Variants in DNAH11 observed in about 807,000 individuals in gnomAD.
DNAH11 encodes axonemal beta dynein heavy chain 11.
A neutral mutation model predicts 526.0 loss-of-function variants in DNAH11; 442 were observed. The ratio of observed to expected loss-of-function variants is 0.84; its 90% confidence interval spans 0.78 to 0.91. The LOEUF (loss-of-function observed/expected upper bound fraction) is 0.91, where lower values mean the gene tolerates loss of function less well. Ranked by LOEUF, DNAH11 falls within the 40% of genes least tolerant of loss-of-function variation. The pLI is 0.00. For synonymous variants in DNAH11, 2,461 were observed against 1,935.9 expected (o/e 1.27, Z -7.12); for missense variants, 6,989 against 5,448.7 (o/e 1.28, Z -8.90).
chr7:21,827,472 CTT>C, intron 65 of DNAH11, among the ~76,000 whole-genome samples: 1 of 151,518 alleles, frequency 6.6e-6, no homozygotes, highest in South Asian at 2.1e-4. Flanking sequence ...ACTGGAGTAA[CTT>C]TACTGCAATA....
Position 21,899,449 on chromosome 7 carries a change from G to GT in DNAH11, c.13162+2dup, listed in dbSNP as rs1562611978. On this transcript the variant is annotated splice_donor_variant, in intron 80 of 81. Coordinates refer to ENST00000409508, the MANE Select transcript of DNAH11 (RefSeq NM_001277115.2). LOFTEE classifies it high-confidence loss of function. Reference sequence around the variant, plus strand: ...TTCAACCCTCAGTCCTTCTTAACTGGTAAGGGCTGACGCAGTGCAGCCCCT... The same window carrying GT: ...TTCAACCCTCAGTCCTTCTTAACTGGTTAAGGGCTGACGCAGTGCAGCCCCT... The GT allele has an allele frequency of 1.9e-6, 3 of 1,611,642 alleles. No homozygotes were observed. Among genetic ancestry groups the GT allele is most frequent in the Non-Finnish European group, 2.5e-6 (3 of 1,177,960 alleles).
chr7:21,899,740 G>A (rs901972805), intron 80 of DNAH11, among the ~76,000 whole-genome samples: 1 of 152,168 alleles, frequency 6.6e-6, no homozygotes, highest in South Asian at 2.1e-4. Context: ...CTACTGTAGT[G>A]CGAAAACCAC....
intron 51 of DNAH11, among the ~76,000 whole-genome samples, chr7:21,747,118 GT>G (rs1208577110): frequency 6.6e-6 from 1 of 152,126 alleles, no homozygotes; most frequent in Non-Finnish European, 1.5e-5. Flanking sequence ...ATCTTGTGAG[GT>G]TAAAAGCCTC....
At position 21,687,754 on chromosome 7, in the gene DNAH11, A is replaced by T. The variant is rs571569012; in HGVS notation, c.5924+227A>T. Among the ~76,000 whole-genome samples the T allele has an allele frequency of 5.9e-5, 9 of 152,310 alleles. No homozygotes were observed. The South Asian group carries it at 6.2e-4, about 11-fold the overall frequency. ...TTACATTACTTTAATCACTTAAAAA[A>T]CAAACAACTTCTAGGATTGGCCAGA... On this transcript the variant is annotated intron_variant, in intron 34 of 81. Coordinates refer to ENST00000409508, the MANE Select transcript of DNAH11 (RefSeq NM_001277115.2).
In DNAH11 at chr7:21,784,461, A is replaced by G. The variant is rs1583691571; in HGVS notation, c.9518A>G (p.Gln3173Arg). 3.1e-6 allele frequency: 5 copies of G among 1,613,520 alleles called. No homozygotes were observed. Among genetic ancestry groups the G allele is most frequent in the Non-Finnish European group, 4.2e-6 (5 of 1,179,678 alleles). Residue 3173 changes from glutamine (Q) to arginine (R), a missense_variant, in exon 58 of 82, where the codon CAG (glutamine) becomes CGG (arginine). Gln to Arg is a conservative substitution (Grantham distance 43). Transcript: ENST00000409508. The part of the protein sequence containing the change: ...TAIQTEVFQK[Q>R]RECEADLLKA... ...ATTCAGACTGAAGTGTTCCAGAAAC[A>G]GAGAGAATGTGAAGCTGACTTACTC...
At chr7:21,638,333 GT>G (rs1786962574) in intron 27 of DNAH11, among the ~76,000 whole-genome samples, 1 of 152,104 alleles carries the variant, frequency 6.6e-6, no homozygotes, top group Non-Finnish European at 1.5e-5. Context: ...TAGTCTGAAA[GT>G]TTTTTTGGTA....
At chr7:21,762,162 A>T (rs1483468965) in intron 54 of DNAH11, among the ~76,000 whole-genome samples, 1 of 152,096 alleles carries the variant, frequency 6.6e-6, no homozygotes, top group Non-Finnish European at 1.5e-5. Context: ...ACACATGAGG[A>T]TTATGGGGAT....
intron 28 of DNAH11, among the ~76,000 whole-genome samples, chr7:21,653,426 G>T (rs1477182754): frequency 6.6e-6 from 1 of 152,164 alleles, no homozygotes; most frequent in African/African-American, 2.4e-5. Context: ...CCTAAGATTT[G>T]TGTTTCCTGG....
At chr7:21,590,286 T>G (rs1432010909) in intron 12 of DNAH11, among the ~76,000 whole-genome samples, 1 of 152,210 alleles carries the variant, frequency 6.6e-6, no homozygotes, top group Non-Finnish European at 1.5e-5. Context: ...TCTGGCAGCT[T>G]GCTAGATATG....
intron 1 of DNAH11, among the ~76,000 whole-genome samples, chr7:21,544,575 T>C (rs2128425294): frequency 6.6e-6 from 1 of 152,378 alleles, no homozygotes; most frequent in Middle Eastern, 3.4e-3. Context: ...TATACGGTTC[T>C]ATTCTTTGAT....
chr7:21,623,516 G>A (rs1027592193), intron 25 of DNAH11, among the ~76,000 whole-genome samples: 12 of 152,202 alleles, frequency 7.9e-5, no homozygotes, highest in East Asian at 1.9e-4. Context: ...ACATGCACAC[G>A]TATGTTTATT....
chr7:21,576,832 A>G (rs1012535660), intron 8 of DNAH11, among the ~76,000 whole-genome samples: 8 of 152,252 alleles, frequency 5.3e-5, no homozygotes, highest in Non-Finnish European at 1.2e-4. Context: ...GAAAACACAC[A>G]TGGGAAAGAT....
chr7:21,837,965 G>A (rs1037430056), intron 65 of DNAH11, among the ~76,000 whole-genome samples: 1 of 152,062 alleles, frequency 6.6e-6, no homozygotes, highest in African/African-American at 2.4e-5. Context: ...ATAATTATGT[G>A]TCAATTAAAA....
At chr7:21,690,994 T>A in intron 35 of DNAH11, 113 bp downstream of exon 35, 1 of 746,432 alleles carries the variant, frequency 1.3e-6, no homozygotes, top group Non-Finnish European at 2.2e-6. Context: ...GAAAATCCTA[T>A]ATGATTTCCT....
chr7:21,796,607 G>A (rs1788724057), intron 61 of DNAH11, among the ~76,000 whole-genome samples: 1 of 152,204 alleles, frequency 6.6e-6, no homozygotes, highest in African/African-American at 2.4e-5. Flanking sequence ...GGCGGCCAAG[G>A]GAGGGAAGGG....
At chr7:21,547,631 C>T (rs1782853820) in intron 2 of DNAH11, among the ~76,000 whole-genome samples, 1 of 152,132 alleles carries the variant, frequency 6.6e-6, no homozygotes, top group Non-Finnish European at 1.5e-5. Flanking sequence ...ACTTTCTTCC[C>T]TTTTATGGGC....
At chr7:21,730,215 T>C (rs1489969936) in intron 45 of DNAH11, among the ~76,000 whole-genome samples, 5 of 152,146 alleles carry the variant, frequency 3.3e-5, no homozygotes, top group South Asian at 2.1e-4. Flanking sequence ...AGCCAAGATA[T>C]GGAGTTAACC....
At chr7:21,681,812 G>C (rs1456601027) in intron 31 of DNAH11, 135 bp downstream of exon 31, 1 of 1,112,278 alleles carries the variant, frequency 9.0e-7, no homozygotes, top group African/African-American at 1.5e-5. Context: ...AGTTGTGTTT[G>C]TCTTGGGTGC....
chr7:21,892,717 G>C (rs923196528), intron 77 of DNAH11, 50 bp downstream of exon 77: 3 of 1,511,526 alleles, frequency 2.0e-6, no homozygotes, highest in Admixed American at 2.1e-5. Context: ...TAACTTACTT[G>C]TACTGAAGTC....
Sources: allele counts gnomAD v4.1 joint callset (sites outside exome capture counted in the v4.1 genomes callset), GRCh38; gene constraint gnomAD v4.1.1; transcripts MANE v1.5; gene names NCBI Gene and HGNC (gene_info 2026-07-23, HGNC 2026-07-21).